Variants in HCN1 observed in about 807,000 individuals in gnomAD.
HCN1 encodes the protein hyperpolarization activated cyclic nucleotide gated potassium channel 1, also known as potassium/sodium hyperpolarization-activated cyclic nucleotide-gated channel 1.
A neutral mutation model predicts 78.9 loss-of-function variants in HCN1; 13 were observed. The observed-to-expected ratio is 0.16, with a 90% CI of 0.11 to 0.26. HCN1 has a LOEUF of 0.26. Ranked by LOEUF, HCN1 falls within the 10% of genes least tolerant of loss-of-function variation. The pLI is 1.00. For synonymous variants in HCN1, 552 were observed against 455.5 expected (o/e 1.21, Z -2.70); for missense variants, 810 against 1,154.3 (o/e 0.70, Z 4.32).
chr5:45,359,527 T>C (rs895294139), intron 4 of HCN1, among the ~76,000 whole-genome samples: 1 of 151,832 alleles, frequency 6.6e-6, no homozygotes, highest in Non-Finnish European at 1.5e-5. Flanking sequence ...TTGGCATCAA[T>C]ACACATCAAC....
In HCN1 at chr5:45,670,552, A is replaced by AT. The variant is rs1161739809; in HGVS notation, c.426-24945dup. On this transcript the variant is annotated intron_variant, in intron 1 of 7. Coordinates refer to ENST00000303230, the MANE Select transcript of HCN1 (RefSeq NM_021072.4). The stretch of plus-strand genomic sequence containing the variant: ...AATATGATATAATTTTGGACCATGC[A>AT]TTTTTTAACAGGAATAATTTCTTAA... Among the ~76,000 whole-genome samples, 13 of 151,636 alleles carry AT rather than the reference A, an allele frequency of 8.6e-5. No homozygotes were observed. In the South Asian group the frequency reaches 1.2e-3, roughly 14 times the overall value.
At chr5:45,580,892 A>G (rs1022702685) in intron 2 of HCN1, among the ~76,000 whole-genome samples, 1 of 152,156 alleles carries the variant, frequency 6.6e-6, no homozygotes, top group Non-Finnish European at 1.5e-5. Flanking sequence ...GCTGCATAGT[A>G]TTCCATGGTG....
chr5:45,296,046 G>T (rs560238843), intron 6 of HCN1, among the ~76,000 whole-genome samples: 1 of 152,004 alleles, frequency 6.6e-6, no homozygotes, highest in East Asian at 1.9e-4. Context: ...TTGTGCTTCT[G>T]GTACCCTTGA....
intron 5 of HCN1, among the ~76,000 whole-genome samples, chr5:45,335,999 G>A (rs187613678): frequency 4.4e-4 from 67 of 152,066 alleles, no homozygotes; most frequent in Non-Finnish European, 6.9e-4. Flanking sequence ...GAAAAATTGC[G>A]TATACTTATT....
chr5:45,526,719 G>A (rs889311993), intron 2 of HCN1, among the ~76,000 whole-genome samples: 1 of 152,030 alleles, frequency 6.6e-6, no homozygotes, highest in African/African-American at 2.4e-5. Context: ...GGGGCCTAGA[G>A]CTGGGGATTT....
intron 6 of HCN1, among the ~76,000 whole-genome samples, chr5:45,298,906 T>A (rs1275398027): frequency 1.3e-5 from 2 of 151,986 alleles, no homozygotes; most frequent in African/African-American, 4.8e-5. Flanking sequence ...TAAGATATAT[T>A]CATAGCATGC....
intron 3 of HCN1, among the ~76,000 whole-genome samples, chr5:45,413,805 T>A (rs1740068180): frequency 6.6e-6 from 1 of 151,940 alleles, no homozygotes; most frequent in Non-Finnish European, 1.5e-5. Flanking sequence ...CAATAAGGAA[T>A]CAAGGTGTTT....
chr5:45,529,867 C>T (rs1233972914), intron 2 of HCN1, among the ~76,000 whole-genome samples: 3 of 151,970 alleles, frequency 2.0e-5, no homozygotes, highest in African/African-American at 7.2e-5. Flanking sequence ...TTAATATTTT[C>T]TACAAATTTG....
At chr5:45,627,729 T>A (rs1327708246) in intron 2 of HCN1, among the ~76,000 whole-genome samples, 1 of 152,198 alleles carries the variant, frequency 6.6e-6, no homozygotes, top group Non-Finnish European at 1.5e-5. Context: ...TAAGAGTCTA[T>A]CATATATAGT....
chr5:45,342,954 T>G (rs1746617002), intron 5 of HCN1, among the ~76,000 whole-genome samples: 1 of 152,194 alleles, frequency 6.6e-6, no homozygotes, highest in Non-Finnish European at 1.5e-5. Context: ...ACTCTTATAT[T>G]ACGGACTAAG....
chr5:45,462,578 G>T (rs989832620), intron 2 of HCN1, among the ~76,000 whole-genome samples: 1 of 151,976 alleles, frequency 6.6e-6, no homozygotes, highest in Admixed American at 6.6e-5. Flanking sequence ...AGGCTACCTG[G>T]ATTTGGTTTA....
intron 1 of HCN1, among the ~76,000 whole-genome samples, chr5:45,679,450 C>T (rs912398931): frequency 4.6e-5 from 7 of 151,976 alleles, no homozygotes; most frequent in Non-Finnish European, 1.0e-4. Context: ...AGGAAATCGT[C>T]CCCCAGCTAA....
At chr5:45,677,989 TACACAC>T (rs200866112) in intron 1 of HCN1, among the ~76,000 whole-genome samples, 6 of 94,098 alleles carry the variant, frequency 6.4e-5, no homozygotes, top group Non-Finnish European at 7.3e-5. Context: ...CACACACACA[TACACAC>T]ACACACACAC....
intron 6 of HCN1, among the ~76,000 whole-genome samples, chr5:45,273,146 C>T (rs749654786): frequency 6.6e-5 from 10 of 151,788 alleles, no homozygotes; most frequent in Non-Finnish European, 1.5e-4. Flanking sequence ...AATTTTAATT[C>T]GGTAGAATTT....
At chr5:45,530,635 A>T (rs1032887741) in intron 2 of HCN1, among the ~76,000 whole-genome samples, 4 of 152,026 alleles carry the variant, frequency 2.6e-5, no homozygotes, top group African/African-American at 4.8e-5. Context: ...GATAATTATG[A>T]TCTAAAGAAT....
chr5:45,589,020 AAAGAC>A (rs1320371027), intron 2 of HCN1, among the ~76,000 whole-genome samples: 1 of 152,220 alleles, frequency 6.6e-6, no homozygotes, highest in Non-Finnish European at 1.5e-5. Flanking sequence ...GTGTGTATGT[AAAGAC>A]AAGACAACAG....
intron 1 of HCN1, among the ~76,000 whole-genome samples, chr5:45,653,933 A>G (rs546002360): frequency 6.6e-6 from 1 of 152,144 alleles, no homozygotes; most frequent in East Asian, 1.9e-4. Context: ...TAATAAATAA[A>G]TAAATAAATA....
chr5:45,294,856 A>G (rs899949094), intron 6 of HCN1, among the ~76,000 whole-genome samples: 14 of 152,106 alleles, frequency 9.2e-5, no homozygotes. Context: ...GCAGTGAGGT[A>G]TTCTGGAAAG....
intron 6 of HCN1, among the ~76,000 whole-genome samples, chr5:45,277,293 G>C (rs1745083978): frequency 6.6e-6 from 1 of 152,064 alleles, no homozygotes; most frequent in Admixed American, 6.6e-5. Context: ...TGGAAGGGAA[G>C]TTTTTAGTAA....
Sources: gnomAD v4.1 joint callset for allele counts (sites outside exome capture counted in the v4.1 genomes callset) on GRCh38, gnomAD v4.1.1 for gene constraint, MANE v1.5 for transcripts, NCBI Gene and HGNC (gene_info 2026-07-23, HGNC 2026-07-21) for gene names.